The following GRID1 variants were observed in gnomAD, a reference collection of about 807,000 sequenced individuals.
GRID1 encodes glutamate receptor ionotropic, delta-1.
A neutral mutation model predicts 98.0 loss-of-function variants in GRID1; 28 were observed. The observed-to-expected ratio is 0.29, with a 90% CI of 0.21 to 0.39. GRID1 has a LOEUF of 0.39. Ranked by LOEUF, GRID1 falls within the 10% of genes least tolerant of loss-of-function variation. The probability of loss-of-function intolerance (pLI) is 1.00; values close to 1 mark genes in which losing one functional copy is unlikely to be tolerated. For missense variants in GRID1, 1,111 were observed against 1,340.5 expected, an observed-to-expected ratio of 0.83 and a Z score of 2.67; for synonymous variants, 553 against 538.5, an observed-to-expected ratio of 1.03 and a Z score of -0.37.
intron 2 of GRID1, among the ~76,000 whole-genome samples, chr10:86,329,021 G>A (rs7914367): frequency 0.05 from 7,641 of 152,262 alleles, 306 homozygotes; most frequent in African/African-American, 0.11. Flanking sequence ...CAAAAGCCCT[G>A]TCACTATGGG....
intron 8 of GRID1, among the ~76,000 whole-genome samples, chr10:85,834,439 C>G (rs891878843): frequency 2.0e-5 from 3 of 152,054 alleles, no homozygotes; most frequent in African/African-American, 7.2e-5. Flanking sequence ...CCTAGAAGAC[C>G]AATCCTTCGA....
chr10:85,929,910 G>C (rs1370922518), intron 4 of GRID1, among the ~76,000 whole-genome samples: 1 of 152,280 alleles, frequency 6.6e-6, no homozygotes, highest in East Asian at 1.9e-4. Context: ...ACTGCAGAGA[G>C]GACTTAGGTC....
rs962428488 is a variant in GRID1 at position 85,606,912 on chromosome 10, G to A, written c.2602-4211C>T. 2.6e-5 allele frequency: 4 copies of A among 151,996 alleles called. 1 individual carries two copies. The highest frequency in any genetic ancestry group is 6.6e-5 in the Admixed American group (1 of 15,256). The allele number at this position is 151,996 out of a possible 1,614,324, so 9.4% of individuals were successfully genotyped here. On this transcript the variant is annotated intron_variant, in intron 15 of 15. Coordinates refer to ENST00000327946, the MANE Select transcript of GRID1 (RefSeq NM_017551.3). ...TCATTATCCCAAGGTTTCGGTATTC[G>A]GCCAGGTAATGACAGCTGTGAAAAC... is the stretch of plus-strand genomic sequence containing the variant.
rs139966522 is a variant in GRID1, at chr10:86,160,397, C to T, written c.521-21373G>A. ...CTCCTGCAGACCAACTAGCTAGCAT[C>T]GCCACTCTGGAGTAACTCTTTAGGA... is the stretch of plus-strand genomic sequence containing the variant. On this transcript the variant is annotated intron_variant, in intron 3 of 15. Coordinates refer to ENST00000327946, the MANE Select transcript of GRID1 (RefSeq NM_017551.3). 1.7e-3 allele frequency among the ~76,000 whole-genome samples: 258 copies of T among 152,342 alleles called. 1 individual carries two copies. The highest frequency in any genetic ancestry group is 5.8e-3 in the African/African-American group (243 of 41,580).
intron 8 of GRID1, among the ~76,000 whole-genome samples, chr10:85,791,001 C>T (rs1842474877): frequency 6.6e-6 from 1 of 152,160 alleles, no homozygotes; most frequent in African/African-American, 2.4e-5. Context: ...TTATCTACTC[C>T]CCTTCTAATC....
At chr10:85,870,639 T>C (rs1004853109) in intron 5 of GRID1, among the ~76,000 whole-genome samples, 8 of 152,178 alleles carry the variant, frequency 5.3e-5, no homozygotes, top group African/African-American at 1.9e-4. Flanking sequence ...TTGGTGGTGC[T>C]GTGGAAGGAA....
chr10:86,359,986 G>A (rs1406434267), intron 2 of GRID1, among the ~76,000 whole-genome samples: 1 of 152,154 alleles, frequency 6.6e-6, no homozygotes, highest in Non-Finnish European at 1.5e-5. Flanking sequence ...TTTATTGTGT[G>A]ATCCATTGTT....
At chr10:85,805,633 G>C (rs76803031) in intron 8 of GRID1, among the ~76,000 whole-genome samples, 1 of 151,876 alleles carries the variant, frequency 6.6e-6, no homozygotes, top group Non-Finnish European at 1.5e-5. Flanking sequence ...TTAAAGATAA[G>C]TGTATTTTAA....
At position 85,901,778 on chromosome 10, in the gene GRID1, T is replaced by A. The variant is rs140733640; in HGVS notation, c.780+14408A>T. On this transcript the variant is annotated intron_variant, in intron 5 of 15. Coordinates refer to ENST00000327946, the MANE Select transcript of GRID1 (RefSeq NM_017551.3). ...TATGTCACTTCTTCCTCGGTCCTGC[T>A]CCCAAAACCCATCATCTGTGCAGCT... is the stretch of plus-strand genomic sequence containing the variant. Among the ~76,000 whole-genome samples, 705 of 152,254 alleles carry A rather than the reference T, an allele frequency of 4.6e-3. 8 individuals carry two copies. The highest frequency in any genetic ancestry group is 8.1e-3 in the Non-Finnish European group (554 of 68,012).
intron 15 of GRID1, among the ~76,000 whole-genome samples, chr10:85,604,995 T>C (rs1196202556): frequency 6.6e-6 from 1 of 152,196 alleles, no homozygotes; most frequent in Non-Finnish European, 1.5e-5. Context: ...ACAGTAAGAC[T>C]GAAGCTGAAT....
chr10:86,001,333 C>CA (rs56850339), intron 4 of GRID1, among the ~76,000 whole-genome samples: 6 of 151,672 alleles, frequency 4.0e-5, no homozygotes, highest in African/African-American at 1.2e-4. Context: ...AATAAGCAAA[C>CA]AAAAAAAAAT....
chr10:86,218,639 C>T (rs1471839215), intron 2 of GRID1, among the ~76,000 whole-genome samples: 1 of 152,188 alleles, frequency 6.6e-6, no homozygotes, highest in Admixed American at 6.5e-5. Flanking sequence ...CTCACTGTCA[C>T]CTGTTGGCCC....
At chr10:85,696,542 C>T (rs887306338) in intron 12 of GRID1, among the ~76,000 whole-genome samples, 3 of 151,954 alleles carry the variant, frequency 2.0e-5, no homozygotes, top group Admixed American at 6.6e-5. Context: ...CAGCGCATGC[C>T]GAATTTCCAT....
chr10:85,992,465 A>C (rs1351003428), intron 4 of GRID1, among the ~76,000 whole-genome samples: 2 of 152,126 alleles, frequency 1.3e-5, no homozygotes, highest in Non-Finnish European at 2.9e-5. Flanking sequence ...AGACATGAAG[A>C]TAAGGGTTTT....
At chr10:85,634,088 T>C (rs1446775259) in intron 13 of GRID1, among the ~76,000 whole-genome samples, 1 of 151,896 alleles carries the variant, frequency 6.6e-6, no homozygotes, top group Non-Finnish European at 1.5e-5. Flanking sequence ...GGAGAATTGC[T>C]TGAACCCAGG....
intron 2 of GRID1, among the ~76,000 whole-genome samples, chr10:86,297,101 T>A (rs879534558): frequency 6.6e-6 from 1 of 152,148 alleles, no homozygotes; most frequent in East Asian, 1.9e-4. Context: ...TTTAATTCAA[T>A]CTCAATCAAA....
chr10:86,214,473 T>C (rs1846148522), intron 2 of GRID1, among the ~76,000 whole-genome samples: 2 of 152,226 alleles, frequency 1.3e-5, no homozygotes, highest in Non-Finnish European at 2.9e-5. Context: ...ACATTTGCCA[T>C]GTTGGACTAT....
chr10:86,217,686 C>T (rs1377731456), intron 2 of GRID1, among the ~76,000 whole-genome samples: 1 of 152,208 alleles, frequency 6.6e-6, no homozygotes, highest in Non-Finnish European at 1.5e-5. Flanking sequence ...AGCAACACCT[C>T]TCCAGAAGTC....
chr10:85,788,752 G>C (rs1346101675), intron 8 of GRID1, among the ~76,000 whole-genome samples: 1 of 152,230 alleles, frequency 6.6e-6, no homozygotes, highest in African/African-American at 2.4e-5. Context: ...TGGAGTGTCT[G>C]GAGCTGACCT....
Sources: allele counts gnomAD v4.1 joint callset (sites outside exome capture counted in the v4.1 genomes callset), GRCh38; gene constraint gnomAD v4.1.1; transcripts MANE v1.5; gene names NCBI Gene and HGNC (gene_info 2026-07-23, HGNC 2026-07-21).